PLCB3: variants seen among roughly 807,000 people sequenced by gnomAD.
PLCB3 encodes the protein 1-phosphatidylinositol 4,5-bisphosphate phosphodiesterase beta-3.
In PLCB3, 54 loss-of-function variants were observed where a neutral mutation model predicts 152.1. That is an observed-to-expected ratio of 0.36 (90% CI 0.29 to 0.45). The LOEUF (loss-of-function observed/expected upper bound fraction) is 0.45, where lower values mean the gene tolerates loss of function less well. Ranked by LOEUF, PLCB3 falls within the 20% of genes least tolerant of loss-of-function variation. The pLI is 1.00. For synonymous variants in PLCB3, 717 were observed against 698.7 expected, an observed-to-expected ratio of 1.03 and a Z score of -0.41; for missense variants, 1,248 against 1,687.5, an observed-to-expected ratio of 0.74 and a Z score of 4.56.
In PLCB3 at chr11:64,264,878, G is replaced by A; in HGVS notation, c.2653-73G>A. The A allele has an allele frequency of 2.0e-6, 3 of 1,478,158 alleles. No individual in the cohort carries two copies. In the South Asian group the frequency reaches 3.4e-5, roughly 17 times the overall value. The allele number at this position is 1,478,158 out of a possible 1,614,324, so 91.6% of individuals were successfully genotyped here. A position where few individuals can be genotyped will look rare whatever the true frequency, so the allele number is the denominator to read the frequency against. The stretch of plus-strand genomic sequence containing the variant: ...GCTGACAGGGGTGCTAGGGGACCCA[G>A]GAGGTGGTAGAGGACAGAAGGGTCT... On this transcript the variant is annotated intron_variant, in intron 22 of 30. Transcript: ENST00000279230.
At chr11:64,251,848 C>A in intron 1 of PLCB3, 100 bp downstream of exon 1, 4 of 622,232 alleles carry the variant, frequency 6.4e-6, no homozygotes, top group Non-Finnish European at 9.9e-6. Context: ...CTGCCCGTGG[C>A]GCCACCCTCA....
Position 64,260,095 on chromosome 11 carries a change from G to A in PLCB3, c.1592G>A (p.Ser531Asn), listed in dbSNP as rs201842672. The A allele has an allele frequency of 6.2e-7, 1 of 1,612,164 alleles. No homozygotes were observed. ...GAGGAGGTAGGGCTTGAGAAGCCCA[G>A]CCTGGAGCCTCAGAAGTCTCTGGGT... ...NGEEVGLEKPSLEPQKSLGDE... is the reference protein window; with the variant it reads ...NGEEVGLEKPNLEPQKSLGDE... The change falls in exon 14 of 31, where the codon AGC becomes AAC. Residue 531 changes from serine (S) to asparagine (N), a missense_variant. This residue lies in a region of PLCB3 where 105 missense variants were observed against 100.9 expected (regional missense o/e 1.04). Coordinates refer to ENST00000279230, the MANE Select transcript of PLCB3 (RefSeq NM_000932.5).
chr11:64,261,812 C>A, intron 16 of PLCB3, 140 bp from the exon 17 acceptor site: 1 of 1,448,652 alleles, frequency 6.9e-7, no homozygotes, highest in Non-Finnish European at 9.6e-7. Context: ...TTGGGCAGAT[C>A]CAGGCAGTCT....
intron 10 of PLCB3, among the ~76,000 whole-genome samples, chr11:64,257,886 G>A (rs2031622621): frequency 6.6e-6 from 1 of 152,088 alleles, no homozygotes; most frequent in African/African-American, 2.4e-5. Context: ...AGGCACAGTG[G>A]TTCACACCTG....
intron 1 of PLCB3, among the ~76,000 whole-genome samples, chr11:64,253,402 C>T (rs2031341407): frequency 6.6e-6 from 1 of 152,194 alleles, no homozygotes. Flanking sequence ...CCTTTGTGTG[C>T]TCGAAGATGC....
At chr11:64,264,471 A>C (rs2032013039) in intron 22 of PLCB3, among the ~76,000 whole-genome samples, 1 of 152,096 alleles carries the variant, frequency 6.6e-6, no homozygotes, top group Non-Finnish European at 1.5e-5. Flanking sequence ...GCGCTTCCAG[A>C]TCCAGTCCCC....
chr11:64,256,912 G>A (rs1338617657), intron 10 of PLCB3, 148 bp downstream of exon 10: 1 of 832,556 alleles, frequency 1.2e-6, no homozygotes, highest in African/African-American at 1.7e-5. Context: ...AGCCAGCCCT[G>A]AGCAGTGGGG....
At chr11:64,253,279 C>T (rs1016730109) in intron 1 of PLCB3, among the ~76,000 whole-genome samples, 1 of 152,216 alleles carries the variant, frequency 6.6e-6, no homozygotes, top group Admixed American at 6.5e-5. Context: ...TGCCTGCAAG[C>T]AGGTCCTGGC....
chr11:64,259,058 C>T lies in PLCB3; in HGVS notation c.1339C>T (p.Leu447=), dbSNP rs1363351610. ...LLIEPLDKYP[L]APGVPLPSPQ... ...CCCTGACTCGTCCATGCCTGCCCAG[C>T]TGGCCCCAGGCGTTCCCCTGCCCAG... The change falls in exon 13 of 31, where the codon CTG becomes TTG. Residue 447 remains leucine, a splice_region_variant and synonymous_variant. Coordinates refer to ENST00000279230, the MANE Select transcript of PLCB3 (RefSeq NM_000932.5). 9.9e-6 allele frequency: 16 copies of T among 1,611,468 alleles called. No homozygotes were observed. Among genetic ancestry groups the T allele is most frequent in the Non-Finnish European group, 1.4e-5 (16 of 1,178,736 alleles).
At chr11:64,254,712 C>T in intron 2 of PLCB3, 36 bp from the exon 3 acceptor site, 1 of 1,602,534 alleles carries the variant, frequency 6.2e-7, no homozygotes, top group South Asian at 1.1e-5. Flanking sequence ...TGCCCTGCAG[C>T]CTCTCATACT....
At position 64,259,215 on chromosome 11, in the gene PLCB3, C is replaced by A; in HGVS notation, c.1496C>A (p.Ala499Glu). 6.4e-7 allele frequency: 1 copy of A among 1,558,318 alleles called. No homozygotes were observed. The change falls in exon 13 of 31, where the codon GCG becomes GAG. Residue 499 changes from alanine to glutamate, a missense_variant. Physicochemically the swap from Ala to Glu is moderately radical, Grantham distance 107. Around this residue, in one of 6 missense-constraint regions of PLCB3, gnomAD observed 105 missense variants for 100.9 expected, o/e 1.04. Coordinates refer to ENST00000279230, the MANE Select transcript of PLCB3 (RefSeq NM_000932.5). ...AATTCTGCCCTGAGCGAGAGCTCCGCGGCCACCGAGCCCTCCTCCCCGCAG... is the reference window on the plus strand; with the variant it reads ...AATTCTGCCCTGAGCGAGAGCTCCGAGGCCACCGAGCCCTCCTCCCCGCAG... ...QSNSALSESS[A>E]ATEPSSPQLG...
chr11:64,253,429 T>C (rs1293096086), intron 1 of PLCB3, among the ~76,000 whole-genome samples: 1 of 152,218 alleles, frequency 6.6e-6, no homozygotes, highest in Non-Finnish European at 1.5e-5. Flanking sequence ...CATAGAACTG[T>C]ACCTGGTGCG....
intron 13 of PLCB3, 85 bp from the exon 14 acceptor site, chr11:64,259,944 C>A: frequency 8.8e-7 from 1 of 1,140,622 alleles, no homozygotes; most frequent in Non-Finnish European, 1.3e-6. Context: ...TGAGTCACCT[C>A]GGCACACACT....
At position 64,267,628 on chromosome 11, in the gene PLCB3, C is replaced by CTT. The variant is rs570819056; in HGVS notation, c.*88_*89dup. On this transcript the variant is annotated 3_prime_UTR_variant, in exon 31 of 31. Coordinates refer to ENST00000279230, the MANE Select transcript of PLCB3 (RefSeq NM_000932.5). This position sits in a 1 kb window ranked among gnomAD's most constrained non-coding sequence, Gnocchi z 5.2. ...AGGGCAGGAGGCAATGACACTAATGCTTTTTTTTTTTTTTTTTAACTTTTT... is the reference window on the plus strand; with the variant it reads ...AGGGCAGGAGGCAATGACACTAATGCTTTTTTTTTTTTTTTTTTTAACTTTTT... 2.4e-4 allele frequency: 188 copies of CTT among 772,818 alleles called. No homozygotes were observed. The highest frequency in any genetic ancestry group is 3.4e-4 in the South Asian group (18 of 52,542). 47.9% of individuals were successfully genotyped at this position (772,818 alleles called of 1,614,324 possible).
In PLCB3 at chr11:64,255,423, C is replaced by T. The variant is rs2031470065; in HGVS notation, c.495C>T (p.Asn165=). ...ACACGAAGCTGAAGCTGCAGGTGAA[C>T]CAGGATGGTCGGATCCCCGTCAAGA... The part of the protein sequence containing the change: ...KAYTKLKLQV[N]QDGRIPVKNI... Residue 165 remains asparagine (N), a synonymous_variant, in exon 6 of 31, where the codon AAC becomes AAT. Transcript: ENST00000279230. This position sits in a 1 kb window ranked among gnomAD's most constrained non-coding sequence, Gnocchi z 6.8. 6.2e-7 allele frequency: 1 copy of T among 1,614,064 alleles called. No homozygotes were observed. The highest frequency in any genetic ancestry group is 8.5e-7 in the Non-Finnish European group (1 of 1,180,026).
At chr11:64,263,962 C>T (rs1243744130) in intron 21 of PLCB3, 59 bp from the exon 22 acceptor site, 11 of 1,335,906 alleles carry the variant, frequency 8.2e-6, no homozygotes, top group African/African-American at 2.9e-5. Flanking sequence ...CCAGAGGTGG[C>T]GGGTGGGGGT....
rs372858684 is a variant in PLCB3, at chr11:64,262,429, G to A, written c.2061G>A (p.Ala687=). 2.3e-5 allele frequency: 37 copies of A among 1,613,498 alleles called. No individual in the cohort carries two copies. Among genetic ancestry groups the A allele is most frequent in the Admixed American group, 5.0e-5 (3 of 60,008 alleles). Reference sequence around the variant, plus strand: ...CAGATGTGGCGATGCAGCTCAACGCGGGCGTTTTTGAGTACAACGGGCGCA... The same window carrying A: ...CAGATGTGGCGATGCAGCTCAACGCAGGCGTTTTTGAGTACAACGGGCGCA... ...QTLDVAMQLN[A]GVFEYNGRSG... is the part of the protein sequence containing the mutation. The change falls in exon 18 of 31, where the codon GCG becomes GCA. Residue 687 remains alanine, a synonymous_variant. Transcript: ENST00000279230.
chr11:64,253,959 C>T (rs2135038386), intron 1 of PLCB3, among the ~76,000 whole-genome samples: 1 of 152,300 alleles, frequency 6.6e-6, no homozygotes, highest in South Asian at 2.1e-4. Flanking sequence ...AGTCAGACTT[C>T]TCACTTTCAT....
chr11:64,254,287 T>C (rs1407617920), intron 1 of PLCB3, 128 bp from the exon 2 acceptor site: 4 of 760,666 alleles, frequency 5.3e-6, no homozygotes, highest in Non-Finnish European at 9.2e-6. Context: ...ACAGGACCTG[T>C]GGACTGGATG....
Sources: gnomAD v4.1 joint callset for allele counts (sites outside exome capture counted in the v4.1 genomes callset) on GRCh38, gnomAD v4.1.1 for gene constraint, gnomAD v4.1.1 regional missense constraint, Gnocchi (gnomAD v3.1) non-coding constraint, MANE v1.5 for transcripts, NCBI Gene and HGNC (gene_info 2026-07-23, HGNC 2026-07-21) for gene names.